Variants in GAS2 observed in about 807,000 individuals in gnomAD.
GAS2 encodes the protein growth arrest specific 2.
GAS2 carries 20 observed loss-of-function variants against 37.5 expected under a neutral mutation model. The ratio of observed to expected loss-of-function variants is 0.53; its 90% CI spans 0.37 to 0.77. The LOEUF (loss-of-function observed/expected upper bound fraction) is 0.77, where lower values mean the gene tolerates loss of function less well. Among genes scored for constraint, GAS2 ranks in the 30% least tolerant of loss-of-function variants. The pLI is 0.00. For synonymous variants in GAS2, 144 were observed against 132.2 expected (o/e 1.09, Z -0.61); for missense variants, 336 against 373.4 (o/e 0.90, Z 0.82).
chr11:22,691,704 G>C (rs1850253333), intron 3 of GAS2, among the ~76,000 whole-genome samples: 1 of 152,094 alleles, frequency 6.6e-6, no homozygotes, highest in Non-Finnish European at 1.5e-5. Flanking sequence ...TTTTTTTATA[G>C]GTATGTTGCT....
At chr11:22,743,236 T>G (rs1853190639) in intron 5 of GAS2, among the ~76,000 whole-genome samples, 1 of 152,114 alleles carries the variant, frequency 6.6e-6, no homozygotes, top group African/African-American at 2.4e-5. Context: ...GTAAAGAATA[T>G]AATAATATTA....
chr11:22,666,941 G>C (rs1849001480), intron 1 of GAS2, 42 bp downstream of exon 1: 1 of 152,286 alleles, frequency 6.6e-6, no homozygotes, highest in South Asian at 2.1e-4. Context: ...CAACGCCGCC[G>C]CAGCGTGCGC....
intron 7 of GAS2, among the ~76,000 whole-genome samples, chr11:22,785,832 T>C (rs926073775): frequency 6.2e-5 from 9 of 144,860 alleles, no homozygotes; most frequent in African/African-American, 2.0e-4. Context: ...TAGATAGCTG[T>C]ACTTTTTTCG....
intron 1 of GAS2, among the ~76,000 whole-genome samples, chr11:22,652,991 T>TTCTTTCTTTCTTTCTTTCTTTCTTTC (rs769554594): frequency 1.6e-4 from 1 of 6,300 alleles, no homozygotes; most frequent in South Asian, 3.6e-3. Context: ...CTTTCTTTCT[T>TTCTTTCTTTCTTTCTTTCTTTCTTTC]TGTCTTTCTT....
intron 3 of GAS2, among the ~76,000 whole-genome samples, chr11:22,714,475 G>C (rs1851565980): frequency 1.3e-5 from 2 of 152,072 alleles, no homozygotes; most frequent in Middle Eastern, 3.2e-3. Flanking sequence ...CATCAAGACA[G>C]AAAGTCAACA....
chr11:22,652,812 C>T (rs1848800629), intron 1 of GAS2, among the ~76,000 whole-genome samples: 1 of 152,198 alleles, frequency 6.6e-6, no homozygotes, highest in Non-Finnish European at 1.5e-5. Flanking sequence ...CTGACCTGCA[C>T]CCACTGTCTG....
Position 22,726,579 on chromosome 11 carries a change from T to C in GAS2, c.409+146T>C. 2 of 682,756 alleles carry C rather than the reference T, an allele frequency of 2.9e-6. 1 individual carries two copies. The highest frequency in any genetic ancestry group is 3.6e-5 in the South Asian group (2 of 55,268). 42.3% of individuals were successfully genotyped at this position (682,756 alleles called of 1,614,324 possible). ...TCTGAGTTTGTTGAAATCTTGCAGG[T>C]TTGCTGCTAACTTGATACTTTGAAA... is the stretch of plus-strand genomic sequence containing the variant. On this transcript the variant is annotated intron_variant, in intron 4 of 7. Coordinates refer to ENST00000454584, the MANE Select transcript of GAS2 (RefSeq NM_001143830.3).
intron 1 of GAS2, among the ~76,000 whole-genome samples, chr11:22,631,299 T>C (rs1487201958): frequency 6.6e-6 from 1 of 152,146 alleles, no homozygotes; most frequent in Non-Finnish European, 1.5e-5. Context: ...ACTCCTTTTT[T>C]TCCAATTTGG....
At chr11:22,798,289 C>A (rs1856519306) in intron 7 of GAS2, among the ~76,000 whole-genome samples, 1 of 152,036 alleles carries the variant, frequency 6.6e-6, no homozygotes, top group African/African-American at 2.4e-5. Context: ...ATTGAGTCTA[C>A]ACCATGTTCC....
intron 7 of GAS2, among the ~76,000 whole-genome samples, chr11:22,793,047 G>T (rs1856246993): frequency 6.6e-6 from 1 of 152,178 alleles, no homozygotes; most frequent in Non-Finnish European, 1.5e-5. Context: ...GCCAAGGTGG[G>T]TGGATCACCT....
chr11:22,743,413 A>G (rs1263874414), intron 5 of GAS2, among the ~76,000 whole-genome samples: 1 of 152,128 alleles, frequency 6.6e-6, no homozygotes, highest in Non-Finnish European at 1.5e-5. Context: ...ATGTTGTGCC[A>G]TGTGTCAGAG....
chr11:22,789,303 TACACACAC>T (rs201918939), intron 7 of GAS2, among the ~76,000 whole-genome samples: 4,428 of 110,930 alleles, frequency 0.04, 168 homozygotes, highest in East Asian at 0.11. Flanking sequence ...TATATATATA[TACACACAC>T]ACACACACAC....
At chr11:22,745,844 AG>A (rs1390197688) in intron 5 of GAS2, among the ~76,000 whole-genome samples, 4 of 152,184 alleles carry the variant, frequency 2.6e-5, no homozygotes, top group African/African-American at 9.6e-5. Flanking sequence ...AAATATTCTC[AG>A]TATCACTAAT....
At chr11:22,667,674 A>G (rs907112462) in intron 1 of GAS2, among the ~76,000 whole-genome samples, 4 of 152,240 alleles carry the variant, frequency 2.6e-5, no homozygotes, top group African/African-American at 7.2e-5. Flanking sequence ...GTAAATTACC[A>G]TTAACTTAGC....
At chr11:22,691,196 A>C (rs191786034) in intron 3 of GAS2, among the ~76,000 whole-genome samples, 62 of 152,304 alleles carry the variant, frequency 4.1e-4, no homozygotes, top group African/African-American at 1.4e-3. Flanking sequence ...TTAACCGTCT[A>C]AATGTAGAAT....
chr11:22,729,374 T>C (rs1419934219), intron 4 of GAS2, among the ~76,000 whole-genome samples: 1 of 151,776 alleles, frequency 6.6e-6, no homozygotes, highest in African/African-American at 2.4e-5. Context: ...GAAACCTCAG[T>C]GGGTGAGGGA....
intron 4 of GAS2, among the ~76,000 whole-genome samples, chr11:22,735,750 A>G (rs1418814548): frequency 6.6e-6 from 1 of 151,876 alleles, no homozygotes; most frequent in East Asian, 1.9e-4. Flanking sequence ...ATCAGGTATT[A>G]TCTTTTATAG....
intron 3 of GAS2, among the ~76,000 whole-genome samples, chr11:22,711,415 C>T (rs576304674): frequency 2.0e-5 from 3 of 152,266 alleles, no homozygotes; most frequent in South Asian, 4.1e-4. Flanking sequence ...GGGAGGTGCA[C>T]AGGGTGAGGT....
chr11:22,672,825 T>C (rs1849258552), intron 1 of GAS2, among the ~76,000 whole-genome samples: 2 of 151,630 alleles, frequency 1.3e-5, no homozygotes. Flanking sequence ...ATTTTTTTTT[T>C]AACTGGGGCA....
Sources: allele counts gnomAD v4.1 joint callset (sites outside exome capture counted in the v4.1 genomes callset), GRCh38; gene constraint gnomAD v4.1.1; transcripts MANE v1.5; gene names NCBI Gene and HGNC (gene_info 2026-07-23, HGNC 2026-07-21).